Variants in APPL2 observed in about 807,000 individuals in gnomAD.
The protein encoded by APPL2 is adaptor protein, phosphotyrosine interacting with PH domain and leucine zipper 2.
APPL2 carries 84 observed loss-of-function variants against 92.7 expected under a neutral mutation model. That is an observed-to-expected ratio of 0.91 (90% CI 0.76 to 1.09). The LOEUF is 1.09. APPL2 is among the 50% of genes least tolerant of loss of function. The pLI is 0.00. For synonymous variants in APPL2, 291 were observed against 291.0 expected, an observed-to-expected ratio of 1.00 and a Z score of 0.00; for missense variants, 736 against 824.5, an observed-to-expected ratio of 0.89 and a Z score of 1.31.
intron 2 of APPL2, among the ~76,000 whole-genome samples, chr12:105,219,939 A>G (rs1199762020): frequency 6.6e-6 from 1 of 152,256 alleles, no homozygotes; most frequent in Non-Finnish European, 1.5e-5. Flanking sequence ...AGCAGCTAAC[A>G]TTTACAGAGG....
intron 14 of APPL2, among the ~76,000 whole-genome samples, chr12:105,191,162 G>C (rs1887157847): frequency 1.3e-5 from 2 of 152,226 alleles, no homozygotes; most frequent in Non-Finnish European, 1.5e-5. Context: ...GAATGTGGAT[G>C]AAACAGTACA....
chr12:105,188,590 A>G (rs1886936892), intron 16 of APPL2, 143 bp from the exon 17 acceptor site: 1 of 720,076 alleles, frequency 1.4e-6, no homozygotes, highest in Non-Finnish European at 2.3e-6. Flanking sequence ...TTATAAGCCC[A>G]ATATTGCCAA....
chr12:105,206,914 G>T, intron 8 of APPL2, 147 bp downstream of exon 8: 1 of 1,024,180 alleles, frequency 9.8e-7, no homozygotes, highest in Non-Finnish European at 1.4e-6. Flanking sequence ...ACTGGAAGCT[G>T]TCCAAGTGCT....
chr12:105,217,701 G>A lies in APPL2; in HGVS notation c.178C>T (p.Gln60Ter), dbSNP rs1889801305. The A allele has an allele frequency of 6.2e-7, 1 of 1,613,962 alleles. No individual in the cohort carries two copies. Among genetic ancestry groups the A allele is most frequent in the Non-Finnish European group, 8.5e-7 (1 of 1,180,034 alleles). ...TATGCCAGCAGTTGCTTAGAAAGCT[G>A]TTGTGTGGCCAGGCACATCTCATTC... is the stretch of plus-strand genomic sequence containing the variant. ...AQNEMCLATQ[Q>*]LSKQLLAYEK... is the part of the protein sequence containing the mutation. Residue 60 changes from glutamine to a stop codon, truncating the protein, a stop_gained, in exon 3 of 21, where the codon CAG (glutamine) becomes TAG (stop). Coordinates refer to ENST00000258530, the MANE Select transcript of APPL2 (RefSeq NM_018171.5). LOFTEE classifies it high-confidence loss of function.
intron 8 of APPL2, among the ~76,000 whole-genome samples, chr12:105,206,239 A>G (rs1033421839): frequency 4.6e-5 from 7 of 152,172 alleles, no homozygotes; most frequent in Admixed American, 4.6e-4. Context: ...GAAGTATTAG[A>G]TGTTCATATA....
chr12:105,189,149 G>A (rs1179242440), intron 16 of APPL2, among the ~76,000 whole-genome samples: 7 of 151,932 alleles, frequency 4.6e-5, no homozygotes, highest in Non-Finnish European at 1.0e-4. Flanking sequence ...CTCCTGAGTA[G>A]CTAGGATTAC....
At chr12:105,205,669 C>A (rs1420089819) in intron 8 of APPL2, among the ~76,000 whole-genome samples, 2 of 152,228 alleles carry the variant, frequency 1.3e-5, no homozygotes, top group African/African-American at 4.8e-5. Flanking sequence ...CGACCCTAGG[C>A]CTCTGACTGA....
intron 2 of APPL2, among the ~76,000 whole-genome samples, chr12:105,222,884 T>G (rs561330514): frequency 1.3e-5 from 2 of 152,200 alleles, no homozygotes; most frequent in Non-Finnish European, 2.9e-5. Context: ...AGAAACTTTG[T>G]CAGGCTTGCG....
At chr12:105,229,279 G>A (rs1175207175) in intron 1 of APPL2, 56 bp from the exon 2 acceptor site, 2 of 1,492,504 alleles carry the variant, frequency 1.3e-6, no homozygotes, top group Admixed American at 1.9e-5. Context: ...AAGTTACAGA[G>A]GAGGAGGAAG....
chr12:105,177,054 A>G (rs760740351), intron 18 of APPL2, 38 bp from the exon 19 acceptor site: 3 of 1,612,220 alleles, frequency 1.9e-6, no homozygotes, highest in Non-Finnish European at 8.5e-7. Context: ...TCATACAACT[A>G]CTAGAATTAA....
intron 9 of APPL2, chr12:105,203,446 A>G (rs1226100549): frequency 2.2e-5 from 10 of 456,754 alleles, no homozygotes; most frequent in African/African-American, 2.0e-4. Flanking sequence ...CAGCAAAGCT[A>G]AGCTGGGTTC....
intron 9 of APPL2, 91 bp from the exon 10 acceptor site, chr12:105,199,622 A>C: frequency 7.1e-7 from 1 of 1,412,656 alleles, no homozygotes; most frequent in Non-Finnish European, 9.6e-7. Context: ...CACCCCCGCA[A>C]AGCTTCCGGC....
intron 14 of APPL2, among the ~76,000 whole-genome samples, chr12:105,193,316 T>C (rs1192312061): frequency 6.6e-6 from 1 of 152,204 alleles, no homozygotes; most frequent in African/African-American, 2.4e-5. Flanking sequence ...CCTTGAGAGA[T>C]GGCATATCAG....
intron 3 of APPL2, 105 bp downstream of exon 3, chr12:105,217,561 G>C: frequency 8.8e-7 from 1 of 1,132,138 alleles, no homozygotes; most frequent in Non-Finnish European, 1.3e-6. Context: ...AAACTATGAA[G>C]AAAATGAAAC....
intron 17 of APPL2, among the ~76,000 whole-genome samples, chr12:105,186,942 G>A (rs1204816605): frequency 6.6e-6 from 1 of 151,886 alleles, no homozygotes; most frequent in Non-Finnish European, 1.5e-5. Context: ...TTGTCTTTCT[G>A]TTGAGTTTTA....
chr12:105,215,723 T>C (rs1432205224), intron 4 of APPL2, among the ~76,000 whole-genome samples: 4 of 152,220 alleles, frequency 2.6e-5, no homozygotes, highest in African/African-American at 9.6e-5. Flanking sequence ...TCATGATTTT[T>C]TGAGTATTCA....
chr12:105,214,804 G>A (rs1270244005), intron 4 of APPL2, among the ~76,000 whole-genome samples: 3 of 152,200 alleles, frequency 2.0e-5, no homozygotes, highest in Non-Finnish European at 2.9e-5. Context: ...ACCAAACCAC[G>A]ATTATGAGCT....
At chr12:105,177,761 G>A (rs1885696729) in intron 17 of APPL2, among the ~76,000 whole-genome samples, 1 of 152,134 alleles carries the variant, frequency 6.6e-6, no homozygotes, top group Non-Finnish European at 1.5e-5. Context: ...GTTTAAGAAA[G>A]TATTCCAAAA....
At position 105,217,152 on chromosome 12, in the gene APPL2, G is replaced by A; in HGVS notation, c.214-12C>T. The A allele has an allele frequency of 6.3e-7, 1 of 1,585,558 alleles. No homozygotes were observed. The highest frequency in any genetic ancestry group is 8.6e-7 in the Non-Finnish European group (1 of 1,162,078). ...CCAAGAGCAAAGTTCTAAGACCAAA[G>A]AATAAAAGAAGCAGGTGTTAAGTGA... is the stretch of plus-strand genomic sequence containing the variant. On this transcript the variant is annotated splice_polypyrimidine_tract_variant and intron_variant, in intron 3 of 20. Transcript: ENST00000258530.
Sources: gnomAD v4.1 joint callset for allele counts (sites outside exome capture counted in the v4.1 genomes callset) on GRCh38, gnomAD v4.1.1 for gene constraint, MANE v1.5 for transcripts, NCBI Gene and HGNC (gene_info 2026-07-23, HGNC 2026-07-21) for gene names.